CMPK2: variants seen among roughly 807,000 people sequenced by gnomAD.
CMPK2 encodes cytidine/uridine monophosphate kinase 2.
Under a neutral mutation model 33.4 loss-of-function variants are expected in CMPK2, and 32 were observed. The observed-to-expected ratio is 0.96, with a 90% CI of 0.72 to 1.29. CMPK2 has a LOEUF of 1.29. Among genes scored for constraint, CMPK2 ranks in the 50% most tolerant of loss-of-function variants. CMPK2 has a pLI of 0.00. For synonymous variants in CMPK2, 299 were observed against 275.3 expected (o/e 1.09, Z -0.85); for missense variants, 672 against 616.0 (o/e 1.09, Z -0.96).
chr2:6,855,259 T>C (rs1302147986), intron 3 of CMPK2, among the ~76,000 whole-genome samples: 4 of 151,604 alleles, frequency 2.6e-5, no homozygotes, highest in East Asian at 2.0e-4. Flanking sequence ...TGATGGTGAG[T>C]TGTCATGAGA....
rs565442653 is a variant in CMPK2, at chr2:6,840,633, G to A, written c.1038C>T (p.Leu346=). Residue 346 remains leucine (L), a synonymous_variant, in exon 4 of 4, where the codon CTC becomes CTT. Coordinates refer to the CMPK2 transcript ENST00000458098. The stretch of plus-strand genomic sequence containing the variant: ...TTCCAGTCCCACAAACTTCACTGCC[G>A]AGCAGGTGGAGAGAAGGATGGTATA... 8.0e-4 allele frequency: 564 copies of A among 702,236 alleles called. 2 individuals carry two copies. Among genetic ancestry groups the A allele is most frequent in the African/African-American group, 8.0e-3 (457 of 57,332 alleles). The allele number at this position is 702,236 out of a possible 1,614,324, so 43.5% of individuals were successfully genotyped here.
In CMPK2 at chr2:6,865,544, G is replaced by C. The variant is rs1663050896; in HGVS notation, c.153C>G (p.Ala51=). 1 of 1,306,320 alleles carries C rather than the reference G, an allele frequency of 7.7e-7. No individual in the cohort carries two copies. The highest frequency in any genetic ancestry group is 3.2e-5 in the East Asian group (1 of 31,080). 80.9% of individuals were successfully genotyped at this position (1,306,320 alleles called of 1,614,324 possible). A position where few individuals can be genotyped will look rare whatever the true frequency, so the allele number is the denominator to read the frequency against. The change falls in exon 1 of 5, where the codon GCC becomes GCG. Residue 51 remains alanine (A), a synonymous_variant. Transcript: ENST00000256722. ...TLAHFALGAD[A]PGDADAPDPR... ...GGTCGGGGGCGTCTGCGTCGCCGGGGGCGTCGGCGCCTAGGGCGAAGTGAG... is the reference window on the plus strand; with the variant it reads ...GGTCGGGGGCGTCTGCGTCGCCGGGCGCGTCGGCGCCTAGGGCGAAGTGAG...
Position 6,865,279 on chromosome 2 carries a change from G to T in CMPK2, c.418C>A (p.Pro140Thr). 6.5e-7 allele frequency: 1 copy of T among 1,533,612 alleles called. No individual in the cohort carries two copies. The highest frequency in any genetic ancestry group is 1.9e-5 in the Admixed American group (1 of 52,494). ...TCGAGCAGCGCTTGCCGGGTGTCAGGGTCATCCAGGGGGTCGCGCAGCAGG... is the reference window on the plus strand; with the variant it reads ...TCGAGCAGCGCTTGCCGGGTGTCAGTGTCATCCAGGGGGTCGCGCAGCAGG... Reference protein sequence around the residue: ...GFLLRDPLDDPDTRQALLELL... With the variant: ...GFLLRDPLDDTDTRQALLELL... The change falls in exon 1 of 5, where the codon CCT (proline) becomes ACT (threonine). Residue 140 changes from proline to threonine, a missense_variant. Physicochemically the swap from Pro to Thr is conservative, Grantham distance 38. Transcript: ENST00000256722.
chr2:6,856,264 G>A (rs1237353486), intron 3 of CMPK2, among the ~76,000 whole-genome samples: 1 of 152,242 alleles, frequency 6.6e-6, no homozygotes, highest in Non-Finnish European at 1.5e-5. Context: ...TGGTATGAAA[G>A]AAGTCAGGTG....
chr2:6,846,315 G>A (rs913125543), downstream of CMPK2, among the ~76,000 whole-genome samples: 1 of 152,188 alleles, frequency 6.6e-6, no homozygotes, highest in Non-Finnish European at 1.5e-5. Context: ...CCCAAAAGGA[G>A]ACGAGGATAT....
downstream of CMPK2, among the ~76,000 whole-genome samples, chr2:6,846,130 T>C (rs544087800): frequency 6.6e-6 from 1 of 152,308 alleles, no homozygotes; most frequent in East Asian, 1.9e-4. Flanking sequence ...TTAGAAATGT[T>C]AGGTAAAAAC....
At chr2:6,858,078 C>T (rs1662769497) in intron 3 of CMPK2, among the ~76,000 whole-genome samples, 1 of 152,216 alleles carries the variant, frequency 6.6e-6, no homozygotes, top group African/African-American at 2.4e-5. Context: ...AGCACCTCCA[C>T]ATTTACTATG....
chr2:6,847,489 C>T (rs149032662), downstream of CMPK2, among the ~76,000 whole-genome samples: 18 of 152,310 alleles, frequency 1.2e-4, no homozygotes, highest in East Asian at 5.8e-4. Flanking sequence ...TCTGTGCAGC[C>T]GTAGGCATGT....
At position 6,865,782 on chromosome 2, in the gene CMPK2, G is replaced by A; in HGVS notation, c.-86C>T. ...GCGCCGGCGGGAAACGAAACCCGGA[G>A]GGAGCCAGGCGCCAGCGGGAAACGA... On this transcript the variant is annotated 5_prime_UTR_variant, in exon 1 of 5. Transcript: ENST00000256722. 1 of 1,257,336 alleles carries A rather than the reference G, an allele frequency of 8.0e-7. No homozygotes were observed. Among genetic ancestry groups the A allele is most frequent in the East Asian group, 3.4e-5 (1 of 29,512 alleles). The allele number at this position is 1,257,336 out of a possible 1,614,324, so 77.9% of individuals were successfully genotyped here.
Position 6,861,212 on chromosome 2 carries a change from A to T in CMPK2, c.964T>A (p.Ser322Thr). The change falls in exon 3 of 5, where the codon TCT becomes ACT. Residue 322 changes from serine (S) to threonine (T), a missense_variant. Physicochemically the swap from Ser to Thr is moderately conservative, Grantham distance 58. Transcript: ENST00000256722. ...TCTACAATCACAGGAGATTTGGCAGATTCTTTAGCTATTTCGGAGGCCACA... is the reference window on the plus strand; with the variant it reads ...TCTACAATCACAGGAGATTTGGCAGTTTCTTTAGCTATTTCGGAGGCCACA... ...YIVASEIAKE[S>T]AKSPVIVDRY... The T allele has an allele frequency of 6.2e-7, 1 of 1,614,074 alleles. No individual in the cohort carries two copies. Among genetic ancestry groups the T allele is most frequent in the Non-Finnish European group, 8.5e-7 (1 of 1,180,014 alleles).
intron 2 of CMPK2, among the ~76,000 whole-genome samples, chr2:6,863,031 ATC>A (rs1397319081): frequency 6.6e-6 from 1 of 152,040 alleles, no homozygotes; most frequent in African/African-American, 2.4e-5. Flanking sequence ...CTCCAGAAGA[ATC>A]TCTGAATTGC....
chr2:6,855,865 A>G (rs539703267), intron 3 of CMPK2, among the ~76,000 whole-genome samples: 3 of 152,300 alleles, frequency 2.0e-5, no homozygotes, highest in African/African-American at 7.2e-5. Context: ...ACATACAGAA[A>G]AGTGTACAGA....
chr2:6,844,103 G>A (rs1662297398), downstream of CMPK2, among the ~76,000 whole-genome samples: 1 of 152,128 alleles, frequency 6.6e-6, no homozygotes, highest in Non-Finnish European at 1.5e-5. Context: ...TTGCTGTCTG[G>A]GCAACCCCTT....
chr2:6,865,246 C>T lies in CMPK2; in HGVS notation c.451G>A (p.Gly151Ser), dbSNP rs756947390. Residue 151 changes from glycine to serine, a missense_variant, in exon 1 of 5, where the codon GGC becomes AGC. Gly to Ser is a moderately conservative substitution (Grantham distance 56). Transcript: ENST00000256722. ...DTRQALLELL[G>S]ACQEAPRPHL... is the part of the protein sequence containing the mutation. ...GGGCGTGGTGCCTCCTGACAGGCGC[C>T]CAGCAGCTCGAGCAGCGCTTGCCGG... The T allele has an allele frequency of 5.9e-6, 9 of 1,536,494 alleles. No individual in the cohort carries two copies. Among genetic ancestry groups the T allele is most frequent in the Non-Finnish European group, 7.0e-6 (8 of 1,148,962 alleles).
chr2:6,865,835 C>A lies in CMPK2; in HGVS notation c.-139G>T. The A allele has an allele frequency of 3.1e-6, 4 of 1,281,042 alleles. No homozygotes were observed. Among genetic ancestry groups the A allele is most frequent in the Non-Finnish European group, 3.9e-6 (4 of 1,013,490 alleles). The allele number at this position is 1,281,042 out of a possible 1,614,324, so 79.4% of individuals were successfully genotyped here. The stretch of plus-strand genomic sequence containing the variant: ...GCGAAGCGTTGCGGGGAAACGAAAG[C>A]CGGAGGCCCAGGCGGGGCAGGAGCC... On this transcript the variant is annotated 5_prime_UTR_variant, in exon 1 of 5. Transcript: ENST00000256722.
intron 3 of CMPK2, among the ~76,000 whole-genome samples, chr2:6,840,873 C>T (rs1308673451): frequency 1.3e-5 from 2 of 152,052 alleles, no homozygotes; most frequent in Admixed American, 6.6e-5. Flanking sequence ...AAGGAAAGGC[C>T]GTCCATATAC....
At chr2:6,853,718 T>C (rs186379487) in intron 3 of CMPK2, among the ~76,000 whole-genome samples, 9 of 151,968 alleles carry the variant, frequency 5.9e-5, no homozygotes, top group African/African-American at 1.5e-4. Flanking sequence ...CTGGCTAACA[T>C]GGTGAAACCC....
chr2:6,865,195 G>A lies in CMPK2; in HGVS notation c.502C>T (p.Pro168Ser). 1 of 1,532,296 alleles carries A rather than the reference G, an allele frequency of 6.5e-7. No individual in the cohort carries two copies. The highest frequency in any genetic ancestry group is 8.7e-7 in the Non-Finnish European group (1 of 1,143,444). 94.9% of individuals were successfully genotyped at this position (1,532,296 alleles called of 1,614,324 possible). A position where few individuals can be genotyped will look rare whatever the true frequency, so the allele number is the denominator to read the frequency against. ...AGGCGCTGCCACAGCTGGCCGCGCG[G>A]GTCGGCCTCGAACTCGCCCAAGTGC... ...RPHLGEFEAD[P>S]RGQLWQRLWE... Residue 168 changes from proline (P) to serine (S), a missense_variant, in exon 1 of 5, where the codon CCG (proline) becomes TCG (serine). Coordinates refer to ENST00000256722, the MANE Select transcript of CMPK2 (RefSeq NM_207315.4).
chr2:6,841,465 G>C (rs115570674), intron 3 of CMPK2, among the ~76,000 whole-genome samples: 2,077 of 152,254 alleles, frequency 0.014, 48 homozygotes, highest in African/African-American at 0.048. Context: ...ATTTACCTGA[G>C]AACAACCTCT....
Sources: gnomAD v4.1 joint callset for allele counts (sites outside exome capture counted in the v4.1 genomes callset) on GRCh38, gnomAD v4.1.1 for gene constraint, MANE v1.5 for transcripts, NCBI Gene and HGNC (gene_info 2026-07-23, HGNC 2026-07-21) for gene names.